The following NRXN1 variants were observed in gnomAD, a reference collection of about 807,000 sequenced individuals.
NRXN1 encodes neurexin 1, also known as neurexin-1.
Under a neutral mutation model 150.9 loss-of-function variants are expected in NRXN1, and 39 were observed. That is an observed-to-expected ratio of 0.26 (90% CI 0.20 to 0.34). The LOEUF is 0.34. NRXN1 is among the 10% of genes least tolerant of loss of function. The pLI, the probability that NRXN1 is intolerant of heterozygous loss-of-function variation, is 1.00. For synonymous variants in NRXN1, 924 were observed against 757.0 expected (o/e 1.22, Z -3.62); for missense variants, 1,815 against 1,949.9 (o/e 0.93, Z 1.30).
intron 5 of NRXN1, among the ~76,000 whole-genome samples, chr2:50,646,635 A>C (rs904048001): frequency 1.3e-5 from 2 of 151,664 alleles, no homozygotes; most frequent in African/African-American, 4.8e-5. Flanking sequence ...TCAATTATTC[A>C]ACTACGGAAA....
At chr2:50,371,814 G>A (rs1384878457) in intron 17 of NRXN1, among the ~76,000 whole-genome samples, 2 of 151,660 alleles carry the variant, frequency 1.3e-5, no homozygotes, top group East Asian at 1.9e-4. Flanking sequence ...AATATTAAAG[G>A]TCATGTAATC....
At chr2:50,811,407 T>C (rs1668193596) in intron 5 of NRXN1, among the ~76,000 whole-genome samples, 1 of 152,196 alleles carries the variant, frequency 6.6e-6, no homozygotes, top group African/African-American at 2.4e-5. Context: ...ATACAATAAG[T>C]GATGTCACAG....
intron 9 of NRXN1, among the ~76,000 whole-genome samples, chr2:50,542,814 T>C (rs1354732198): frequency 6.6e-6 from 1 of 152,136 alleles, no homozygotes; most frequent in Non-Finnish European, 1.5e-5. Context: ...ACTTTTACTA[T>C]GGATATGAAT....
chr2:50,562,301 T>G (rs1669204152), intron 8 of NRXN1, among the ~76,000 whole-genome samples: 2 of 151,184 alleles, frequency 1.3e-5, no homozygotes, highest in African/African-American at 4.9e-5. Flanking sequence ...GTATTATAGA[T>G]AGATTAGACA....
intron 17 of NRXN1, among the ~76,000 whole-genome samples, chr2:50,452,989 T>C (rs2087142482): frequency 6.6e-6 from 1 of 152,166 alleles, no homozygotes. Flanking sequence ...GAGAGGCTGA[T>C]AATCAAAATG....
intron 5 of NRXN1, among the ~76,000 whole-genome samples, chr2:50,853,381 T>C (rs1232491859): frequency 6.6e-6 from 1 of 152,156 alleles, no homozygotes; most frequent in African/African-American, 2.4e-5. Flanking sequence ...ACTCCATTAT[T>C]ATTTGAAGTG....
intron 5 of NRXN1, among the ~76,000 whole-genome samples, chr2:50,905,533 ATTTGTG>A (rs1439277699): frequency 3.9e-5 from 6 of 152,092 alleles, no homozygotes; most frequent in Admixed American, 3.9e-4. Flanking sequence ...TTGCAGCCAC[ATTTGTG>A]TTGCAGCCAC....
chr2:50,473,268 T>G lies in NRXN1; in HGVS notation c.3071-797A>C, dbSNP rs528173918. On this transcript the variant is annotated intron_variant, in intron 15 of 22. Coordinates refer to ENST00000401669, the MANE Select transcript of NRXN1 (RefSeq NM_001330078.2). ...AAATTTTCAACTTATTTTTCTAATT[T>G]TATTGCAGTTTCTAATGGAAGACAT... Among the ~76,000 whole-genome samples, 5 of 152,094 alleles carry G rather than the reference T, an allele frequency of 3.3e-5. No homozygotes were observed. In the East Asian group the frequency reaches 9.7e-4, roughly 29 times the overall value.
chr2:50,076,535 C>T (rs1297171202), intron 19 of NRXN1, among the ~76,000 whole-genome samples: 1 of 152,178 alleles, frequency 6.6e-6, no homozygotes, highest in Non-Finnish European at 1.5e-5. Context: ...GATTAAAGAA[C>T]TTGGCAAAAA....
At chr2:50,141,585 C>T (rs1486341834) in intron 18 of NRXN1, among the ~76,000 whole-genome samples, 2 of 151,908 alleles carry the variant, frequency 1.3e-5, no homozygotes, top group African/African-American at 4.8e-5. Flanking sequence ...CCAGAATAAA[C>T]AAGGAGCTGA....
chr2:50,683,646 A>AAAAAAAAAAAAAATAT, intron 5 of NRXN1, among the ~76,000 whole-genome samples: 3 of 14,904 alleles, frequency 2.0e-4, no homozygotes, highest in Admixed American at 1.1e-3. Flanking sequence ...AAAAAAAAAA[A>AAAAAAAAAAAAAATAT]ATATATATAT....
In NRXN1 at chr2:50,566,824, A is replaced by G. The variant is rs141561600; in HGVS notation, c.1321-13799T>C. Among the ~76,000 whole-genome samples the G allele has an allele frequency of 4.5e-3, 690 of 152,190 alleles. 3 individuals are homozygous for G. Among genetic ancestry groups the G allele is most frequent in the African/African-American group, 0.016 (648 of 41,526 alleles). On this transcript the variant is annotated intron_variant, in intron 8 of 22. Coordinates refer to ENST00000401669, the MANE Select transcript of NRXN1 (RefSeq NM_001330078.2). ...TAGTGCATGCTCCCCACCCCATGGGATAGTAGCTGAGTTCCTATTTACTTA... is the reference window on the plus strand; with the variant it reads ...TAGTGCATGCTCCCCACCCCATGGGGTAGTAGCTGAGTTCCTATTTACTTA...
intron 21 of NRXN1, among the ~76,000 whole-genome samples, chr2:50,048,358 A>G (rs1381966994): frequency 1.3e-5 from 2 of 152,134 alleles, no homozygotes; most frequent in Non-Finnish European, 2.9e-5. Context: ...GTATTTTTTA[A>G]ATGCACAGTG....
intron 5 of NRXN1, among the ~76,000 whole-genome samples, chr2:50,910,339 A>G (rs146380541): frequency 8.5e-5 from 13 of 152,076 alleles, no homozygotes; most frequent in Non-Finnish European, 1.8e-4. Context: ...TACATTACAC[A>G]CTTTACCGAT....
intron 2 of NRXN1, among the ~76,000 whole-genome samples, chr2:51,006,163 C>T (rs746544065): frequency 1.4e-4 from 21 of 151,682 alleles, no homozygotes; most frequent in Middle Eastern, 3.4e-3. Context: ...CACGTGGGTC[C>T]GCAGCTATTT....
chr2:50,487,953 C>T (rs1307940003), intron 15 of NRXN1, among the ~76,000 whole-genome samples: 1 of 152,156 alleles, frequency 6.6e-6, no homozygotes, highest in Non-Finnish European at 1.5e-5. Flanking sequence ...ACCTCATGTA[C>T]TCCCTATGTA....
chr2:50,221,125 T>A (rs2063851732), intron 18 of NRXN1, among the ~76,000 whole-genome samples: 1 of 152,010 alleles, frequency 6.6e-6, no homozygotes, highest in Admixed American at 6.6e-5. Flanking sequence ...TCTCACCCAG[T>A]TATTTTACTT....
chr2:50,637,135 T>C (rs1024704064), intron 5 of NRXN1, among the ~76,000 whole-genome samples: 1 of 152,174 alleles, frequency 6.6e-6, no homozygotes, highest in South Asian at 2.1e-4. Context: ...TTCAATATAA[T>C]GAACATAGAT....
intron 5 of NRXN1, among the ~76,000 whole-genome samples, chr2:50,705,467 G>C (rs1340089692): frequency 1.3e-5 from 2 of 152,136 alleles, no homozygotes; most frequent in East Asian, 3.9e-4. Context: ...TATACAGTAA[G>C]TGCTCCACAA....
Sources: gnomAD v4.1 joint callset for allele counts (sites outside exome capture counted in the v4.1 genomes callset) on GRCh38, gnomAD v4.1.1 for gene constraint, MANE v1.5 for transcripts, NCBI Gene and HGNC (gene_info 2026-07-23, HGNC 2026-07-21) for gene names.